CARMIL2: variants seen among roughly 807,000 people sequenced by gnomAD.
CARMIL2 encodes capping protein, Arp2/3 and myosin-I linker protein 2.
CARMIL2 carries 96 observed loss-of-function variants against 173.3 expected under a neutral mutation model. The ratio of observed to expected loss-of-function variants is 0.55; its 90% confidence interval spans 0.47 to 0.66. The LOEUF is 0.66. CARMIL2 is among the 30% of genes least tolerant of loss of function. CARMIL2 has a pLI of 0.00. For missense variants in CARMIL2, 1,771 were observed against 1,906.7 expected (o/e 0.93, Z 1.33); for synonymous variants, 830 against 817.1 (o/e 1.02, Z -0.27).
Position 67,649,142 on chromosome 16 carries a change from C to T in CARMIL2, c.1658C>T (p.Ala553Val), listed in dbSNP as rs555548016. Residue 553 changes from alanine to valine, a missense_variant, in exon 18 of 38, where the codon GCG (alanine) becomes GTG (valine). By Grantham distance (64) the Ala-to-Val change is moderately conservative. Transcript: ENST00000334583. The surrounding 1 kb of genome is among the most constrained non-coding windows in gnomAD (Gnocchi z 6.7). ...IGRSRSLRHV[A>V]LGRNFNVRCK... ...AGAAGCCGGTCCCTGAGACATGTGG[C>T]GCTTGGAAGGAACTTCAACGTCCGG... 2.7e-5 allele frequency: 44 copies of T among 1,613,546 alleles called. No homozygotes were observed. The East Asian group carries it at 9.6e-4, about 35-fold the overall frequency.
Position 67,656,214 on chromosome 16 carries a change from G to C in CARMIL2, c.3743-14G>C. The C allele has an allele frequency of 6.2e-7, 1 of 1,613,904 alleles. No individual in the cohort carries two copies. The highest frequency in any genetic ancestry group is 8.5e-7 in the Non-Finnish European group (1 of 1,179,830). ...CCAAGGTCTGGTACCTGAGTCCCCAGCTCCGCCTTGCAGGTGACATTATGG... is the reference window on the plus strand; with the variant it reads ...CCAAGGTCTGGTACCTGAGTCCCCACCTCCGCCTTGCAGGTGACATTATGG... On this transcript the variant is annotated splice_polypyrimidine_tract_variant and intron_variant, in intron 33 of 37. Transcript: ENST00000334583.
chr16:67,647,003 G>A (rs1008762374), intron 8 of CARMIL2, 30 bp downstream of exon 8: 3 of 1,610,400 alleles, frequency 1.9e-6, no homozygotes, highest in Non-Finnish European at 1.7e-6. Context: ...GGGAGAGGAG[G>A]AAGATCCCGG....
In CARMIL2 at chr16:67,651,889, G is replaced by A; in HGVS notation, c.2589-32G>A. 1 of 1,613,106 alleles carries A rather than the reference G, an allele frequency of 6.2e-7. No homozygotes were observed. The highest frequency in any genetic ancestry group is 1.6e-4 in the Middle Eastern group (1 of 6,062). On this transcript the variant is annotated intron_variant, in intron 25 of 37. Transcript: ENST00000334583. This position sits in a 1 kb window ranked among gnomAD's most constrained non-coding sequence, Gnocchi z 4.2. ...GGCTGGGCAAGGCTGAGCAAAGCCA[G>A]CCCATTAACCCCTGTCCTCTCCTGC...
chr16:67,645,817 G>A, intron 3 of CARMIL2, 40 bp downstream of exon 3: 1 of 1,607,074 alleles, frequency 6.2e-7, no homozygotes, highest in Non-Finnish European at 8.5e-7. Context: ...CCCGCCAGCA[G>A]CTACCTTGGC....
intron 9 of CARMIL2, 31 bp from the exon 10 acceptor site, chr16:67,647,268 A>T: frequency 6.2e-7 from 1 of 1,610,410 alleles, no homozygotes; most frequent in South Asian, 1.1e-5. Flanking sequence ...GCCAGGGTGC[A>T]GCCCGTGAGC....
Position 67,649,027 on chromosome 16 carries a change from CACCCT to C in CARMIL2, c.1592-43_1592-39del, listed in dbSNP as rs2052661613. 6.2e-7 allele frequency: 1 copy of C among 1,602,778 alleles called. No homozygotes were observed. The highest frequency in any genetic ancestry group is 1.7e-5 in the Admixed American group (1 of 58,112). ...CATCATCCACTCGATTCCCAATCCC[CACCCT>C]ACCCTTGCAACTTCGCCTCGTGCGT... On this transcript the variant is annotated intron_variant, in intron 17 of 37. Coordinates refer to ENST00000334583, the MANE Select transcript of CARMIL2 (RefSeq NM_001013838.3). The surrounding 1 kb of genome is among the most constrained non-coding windows in gnomAD (Gnocchi z 6.7).
Position 67,651,298 on chromosome 16 carries a change from GC to G in CARMIL2, c.2298del (p.Asn767ThrfsTer31). ...CCAGGCCGAGGATGCCATCCAAAAT[GC>G]CAACTTCTCTCTCAGCGTGAGCACT... ...VRQAEDAIQN[A>X]NFSLSILPIL... On this transcript the variant is annotated frameshift_variant, in exon 23 of 38. Coordinates refer to ENST00000334583, the MANE Select transcript of CARMIL2 (RefSeq NM_001013838.3). LOFTEE classifies it high-confidence loss of function. The surrounding 1 kb of genome is among the most constrained non-coding windows in gnomAD (Gnocchi z 4.2). 1 of 1,613,644 alleles carries G rather than the reference GC, an allele frequency of 6.2e-7. No individual in the cohort carries two copies. Among genetic ancestry groups the G allele is most frequent in the Non-Finnish European group, 8.5e-7 (1 of 1,179,848 alleles).
intron 3 of CARMIL2, 29 bp downstream of exon 3, chr16:67,645,806 G>GCC (rs777424263): frequency 1.7e-5 from 27 of 1,608,486 alleles, no homozygotes; most frequent in African/African-American, 2.7e-5. Flanking sequence ...CCACACCCCC[G>GCC]CCCGCCAGCA....
rs2052876934 is a variant in CARMIL2, at chr16:67,657,074, A to G, written c.4118-165A>G. 1 of 780,418 alleles carries G rather than the reference A, an allele frequency of 1.3e-6. No homozygotes were observed. Among genetic ancestry groups the G allele is most frequent in the Non-Finnish European group, 2.1e-6 (1 of 478,940 alleles). 48.3% of individuals were successfully genotyped at this position (780,418 alleles called of 1,614,324 possible). A position where few individuals can be genotyped will look rare whatever the true frequency, so the allele number is the denominator to read the frequency against. Reference sequence around the variant, plus strand: ...CAACTAGCACTGGCTCCACTTCCCGAAGAGCAGCCTCTGCCAGGGGTGAGG... The same window carrying G: ...CAACTAGCACTGGCTCCACTTCCCGGAGAGCAGCCTCTGCCAGGGGTGAGG... On this transcript the variant is annotated intron_variant, in intron 36 of 37. Transcript: ENST00000334583. The surrounding 1 kb of genome is among the most constrained non-coding windows in gnomAD (Gnocchi z 4.5).
rs1428988478 is a variant in CARMIL2 at position 67,652,566 on chromosome 16, T to G, written c.2884+28T>G. The G allele has an allele frequency of 6.2e-7, 1 of 1,606,840 alleles. No homozygotes were observed. Among genetic ancestry groups the G allele is most frequent in the Non-Finnish European group, 8.5e-7 (1 of 1,174,834 alleles). On this transcript the variant is annotated intron_variant, in intron 28 of 37. Coordinates refer to ENST00000334583, the MANE Select transcript of CARMIL2 (RefSeq NM_001013838.3). This position sits in a 1 kb window ranked among gnomAD's most constrained non-coding sequence, Gnocchi z 4.7. ...AAGTCAGGGCCTTGGGGGAGGGAGT[T>G]TACGTGGGTGGGCTGAAGCTCCATT...
chr16:67,646,609 G>C lies in CARMIL2; in HGVS notation c.466+92G>C. 6.4e-7 allele frequency: 1 copy of C among 1,569,280 alleles called. No individual in the cohort carries two copies. The highest frequency in any genetic ancestry group is 8.8e-7 in the Non-Finnish European group (1 of 1,141,082). ...CTGGGGGGGCCCCAAACTGAACAGA[G>C]CCATTCAGGTCCCAGCCACCACCTA... On this transcript the variant is annotated intron_variant, in intron 6 of 37. Transcript: ENST00000334583. This position sits in a 1 kb window ranked among gnomAD's most constrained non-coding sequence, Gnocchi z 4.6.
rs775174183 is a variant in CARMIL2 at position 67,646,705 on chromosome 16, C to T, written c.467-9C>T. On this transcript the variant is annotated splice_polypyrimidine_tract_variant and intron_variant, in intron 6 of 37. Transcript: ENST00000334583. This position sits in a 1 kb window ranked among gnomAD's most constrained non-coding sequence, Gnocchi z 4.6. ...CCTTTTCCACATCGCACCCCTATCCCCTCCCCAGGTGGCTTCTTGGAGACA... is the reference window on the plus strand; with the variant it reads ...CCTTTTCCACATCGCACCCCTATCCTCTCCCCAGGTGGCTTCTTGGAGACA... 2.5e-6 allele frequency: 4 copies of T among 1,613,720 alleles called. No homozygotes were observed. The highest frequency in any genetic ancestry group is 3.4e-6 in the Non-Finnish European group (4 of 1,179,768).
Position 67,647,829 on chromosome 16 carries a change from C to A in CARMIL2, c.959-17C>A. ...GGGGGTCTGTCCAACTGCTGAGTGA[C>A]CCCGACCCACCACCAGGAATGAGGG... On this transcript the variant is annotated splice_polypyrimidine_tract_variant and intron_variant, in intron 12 of 37. Transcript: ENST00000334583. 1.3e-6 allele frequency: 2 copies of A among 1,597,692 alleles called. No individual in the cohort carries two copies. Among genetic ancestry groups the A allele is most frequent in the South Asian group, 2.3e-5 (2 of 88,326 alleles).
In CARMIL2 at chr16:67,653,274, T is replaced by A; in HGVS notation, c.3120+20T>A. The A allele has an allele frequency of 9.1e-7, 1 of 1,097,444 alleles. No homozygotes were observed. The highest frequency in any genetic ancestry group is 4.5e-5 in the East Asian group (1 of 22,252). 68.0% of individuals were successfully genotyped at this position (1,097,444 alleles called of 1,614,324 possible). A position where few individuals can be genotyped will look rare whatever the true frequency, so the allele number is the denominator to read the frequency against. On this transcript the variant is annotated intron_variant, in intron 29 of 37. Transcript: ENST00000334583. The surrounding 1 kb of genome is among the most constrained non-coding windows in gnomAD (Gnocchi z 7.4). ...CCCCAGGTGAGCACCCTTCCCCCAC[T>A]CCGGAGCGCGTGGAATTGGGGATCA...
Position 67,652,101 on chromosome 16 carries a change from G to A in CARMIL2, c.2676+93G>A. The A allele has an allele frequency of 3.1e-6, 5 of 1,597,550 alleles. No homozygotes were observed. Among genetic ancestry groups the A allele is most frequent in the Non-Finnish European group, 4.3e-6 (5 of 1,168,062 alleles). On this transcript the variant is annotated intron_variant, in intron 26 of 37. Coordinates refer to ENST00000334583, the MANE Select transcript of CARMIL2 (RefSeq NM_001013838.3). This position sits in a 1 kb window ranked among gnomAD's most constrained non-coding sequence, Gnocchi z 4.7. ...CAGGGGCTCTGTAATGTCTTCTGGGGTCATGTAGCCCAGGGCTATTTCAGG... is the reference window on the plus strand; with the variant it reads ...CAGGGGCTCTGTAATGTCTTCTGGGATCATGTAGCCCAGGGCTATTTCAGG...
chr16:67,657,245 C>A lies in CARMIL2; in HGVS notation c.4124C>A (p.Pro1375His), dbSNP rs1035623578. 1.9e-6 allele frequency: 3 copies of A among 1,613,584 alleles called. No individual in the cohort carries two copies. Among genetic ancestry groups the A allele is most frequent in the Non-Finnish European group, 2.5e-6 (3 of 1,179,764 alleles). Reference sequence around the variant, plus strand: ...GCCTTTCTGTGTCCCTTAGAACGGCCCCTGAGGCTGCAGCGCTCCCCCGTC... The same window carrying A: ...GCCTTTCTGTGTCCCTTAGAACGGCACCTGAGGCTGCAGCGCTCCCCCGTC... ...EDQLQAPAERPLRLQRSPVLK... is the reference protein window; with the variant it reads ...EDQLQAPAERHLRLQRSPVLK... The change falls in exon 37 of 38, where the codon CCC (proline) becomes CAC (histidine). Residue 1375 changes from proline to histidine, a missense_variant. Coordinates refer to ENST00000334583, the MANE Select transcript of CARMIL2 (RefSeq NM_001013838.3). The surrounding 1 kb of genome is among the most constrained non-coding windows in gnomAD (Gnocchi z 4.5).
rs371663153 is a variant in CARMIL2 at position 67,649,941 on chromosome 16, G to A, written c.2055G>A (p.Pro685=). The A allele has an allele frequency of 7.2e-5, 116 of 1,613,100 alleles. No individual in the cohort carries two copies. The highest frequency in any genetic ancestry group is 8.9e-5 in the Non-Finnish European group (105 of 1,179,808). Residue 685 remains proline, a synonymous_variant, in exon 21 of 38, where the codon CCG becomes CCA. Transcript: ENST00000334583. This position sits in a 1 kb window ranked among gnomAD's most constrained non-coding sequence, Gnocchi z 6.7. ...TGGCCCAGGCGCAGCGCAGCCGCCC[G>A]GAACTGACAGCACGTGCAGTCCATC... ...NDVAQAQRSR[P]ELTARAVHQI... is the part of the protein sequence containing the mutation.
chr16:67,647,293 T>C lies in CARMIL2; in HGVS notation c.688-6T>C. On this transcript the variant is annotated splice_polypyrimidine_tract_variant and splice_region_variant and intron_variant, in intron 9 of 37. Transcript: ENST00000334583. ...AGCCCGTGAGCCGCCGCCCTCTGCT[T>C]CTCAGAGCCTTGAGGTCTCAGAACA... 1 of 1,606,538 alleles carries C rather than the reference T, an allele frequency of 6.2e-7. No individual in the cohort carries two copies. The highest frequency in any genetic ancestry group is 8.5e-7 in the Non-Finnish European group (1 of 1,176,444).
At position 67,648,206 on chromosome 16, in the gene CARMIL2, C is replaced by A; in HGVS notation, c.1226C>A (p.Pro409His). Residue 409 changes from proline to histidine, a missense_variant, in exon 14 of 38, where the codon CCC (proline) becomes CAC (histidine). By Grantham distance (77) the Pro-to-His change is moderately conservative. Transcript: ENST00000334583. This position sits in a 1 kb window ranked among gnomAD's most constrained non-coding sequence, Gnocchi z 6.1. Reference protein sequence around the residue: ...WRAGRGGLGPPAGVANSLPPQ... With the variant: ...WRAGRGGLGPHAGVANSLPPQ... ...GCGGGACGGGGAGGGCTCGGTCCCC[C>A]CGCGGGTGTAGCCAACAGCCTCCCC... 1.2e-6 allele frequency: 2 copies of A among 1,605,192 alleles called. No individual in the cohort carries two copies. Among genetic ancestry groups the A allele is most frequent in the Non-Finnish European group, 1.7e-6 (2 of 1,176,740 alleles).
Sources: gnomAD v4.1 joint callset for allele counts on GRCh38, gnomAD v4.1.1 for gene constraint, Gnocchi (gnomAD v3.1) non-coding constraint, MANE v1.5 for transcripts, NCBI Gene and HGNC (gene_info 2026-07-23, HGNC 2026-07-21) for gene names.